Variants in TMEM117 observed in about 807,000 individuals in gnomAD.
The protein encoded by TMEM117 is transmembrane protein 117.
In TMEM117, 27 loss-of-function variants were observed where a neutral mutation model predicts 52.4. The observed-to-expected ratio is 0.51, with a 90% CI of 0.38 to 0.71. The LOEUF is 0.71. Ranked by LOEUF, TMEM117 falls within the 30% of genes least tolerant of loss-of-function variation. TMEM117 has a pLI of 0.00. For synonymous variants in TMEM117, 215 were observed against 206.3 expected (o/e 1.04, Z -0.36); for missense variants, 556 against 630.5 (o/e 0.88, Z 1.26).
rs559410802 is a variant in TMEM117, at chr12:44,045,387, G to T, written c.411-98138G>T. ...ATTGGACCTCTTTCATCATGGAAAG[G>T]TTTGTCCTCGCTAGAATAGACATTT... is the stretch of plus-strand genomic sequence containing the variant. On this transcript the variant is annotated intron_variant, in intron 3 of 7. Coordinates refer to ENST00000266534, the MANE Select transcript of TMEM117 (RefSeq NM_032256.3). Among the ~76,000 whole-genome samples, 459 of 152,246 alleles carry T rather than the reference G, an allele frequency of 3.0e-3. 2 individuals carry two copies. The highest frequency in any genetic ancestry group is 0.011 in the African/African-American group (444 of 41,542).
rs1944471473 is a variant in TMEM117, at chr12:43,910,182, G to C, written c.278-34028G>C. 2.7e-5 allele frequency among the ~76,000 whole-genome samples: 4 copies of C among 149,920 alleles called. No individual in the cohort carries two copies. In the South Asian group the frequency reaches 8.6e-4, roughly 32 times the overall value. Reference sequence around the variant, plus strand: ...GGCTTCATCCCTGGGATGCAAGGCTGGTTCAATATATGCAAATCAATAAAT... The same window carrying C: ...GGCTTCATCCCTGGGATGCAAGGCTCGTTCAATATATGCAAATCAATAAAT... On this transcript the variant is annotated intron_variant, in intron 2 of 7. Transcript: ENST00000266534.
In TMEM117 at chr12:44,388,230, C is replaced by T. The variant is rs780071695; in HGVS notation, c.1103C>T (p.Pro368Leu). 4.3e-6 allele frequency: 7 copies of T among 1,613,482 alleles called. No individual in the cohort carries two copies. The highest frequency in any genetic ancestry group is 5.9e-6 in the Non-Finnish European group (7 of 1,179,640). Residue 368 changes from proline (P) to leucine (L), a missense_variant, in exon 8 of 8, where the codon CCT becomes CTT. Pro to Leu is a moderately conservative substitution (Grantham distance 98). Transcript: ENST00000266534. ...GAATGGAGGTCCAATCACACTAACC[C>T]TCGGACTAATAAAACATATGTTGAG... is the stretch of plus-strand genomic sequence containing the variant. ...SWEWRSNHTN[P>L]RTNKTYVEGD...
intron 3 of TMEM117, among the ~76,000 whole-genome samples, chr12:43,952,212 G>T (rs12301421): frequency 6.6e-6 from 1 of 151,990 alleles, no homozygotes; most frequent in Non-Finnish European, 1.5e-5. Flanking sequence ...TGAAAATCCC[G>T]GAAGCCGGAA....
At position 43,951,847 on chromosome 12, in the gene TMEM117, G is replaced by C. The variant is rs113816684; in HGVS notation, c.410+7505G>C. Reference sequence around the variant, plus strand: ...GACCCCATGCCTCCTATCTGGGTGAGACCTCCAAACAGGAGTCAGCAGACA... The same window carrying C: ...GACCCCATGCCTCCTATCTGGGTGACACCTCCAAACAGGAGTCAGCAGACA... On this transcript the variant is annotated intron_variant, in intron 3 of 7. Transcript: ENST00000266534. Among the ~76,000 whole-genome samples, 296 of 152,284 alleles carry C rather than the reference G, an allele frequency of 1.9e-3. 1 individual carries two copies. The highest frequency in any genetic ancestry group is 6.9e-3 in the African/African-American group (286 of 41,540).
At position 44,145,081 on chromosome 12, in the gene TMEM117, T is replaced by C. The variant is rs985885525; in HGVS notation, c.510+1457T>C. Among the ~76,000 whole-genome samples, 4 of 152,160 alleles carry C rather than the reference T, an allele frequency of 2.6e-5. 1 individual carries two copies. Among genetic ancestry groups the C allele is most frequent in the African/African-American group, 9.6e-5 (4 of 41,502 alleles). On this transcript the variant is annotated intron_variant, in intron 4 of 7. Transcript: ENST00000266534. Reference sequence around the variant, plus strand: ...CTGAGGCAGGAGAATGGCGTGAACCTGGGAGGCGGAGCTTGCAGTGAGCCG... The same window carrying C: ...CTGAGGCAGGAGAATGGCGTGAACCCGGGAGGCGGAGCTTGCAGTGAGCCG...
chr12:44,260,921 A>T (rs1481854011), intron 5 of TMEM117, among the ~76,000 whole-genome samples: 1 of 152,222 alleles, frequency 6.6e-6, no homozygotes, highest in Non-Finnish European at 1.5e-5. Context: ...CTTTTAAAAT[A>T]TTCTATTTTG....
At chr12:44,108,205 T>G (rs1947996120) in intron 3 of TMEM117, among the ~76,000 whole-genome samples, 1 of 152,050 alleles carries the variant, frequency 6.6e-6, no homozygotes, top group African/African-American at 2.4e-5. Flanking sequence ...ATTTATTTAT[T>G]TATTTATTTT....
intron 4 of TMEM117, among the ~76,000 whole-genome samples, chr12:44,157,087 G>A (rs946519396): frequency 3.3e-5 from 5 of 152,058 alleles, no homozygotes; most frequent in African/African-American, 9.7e-5. Context: ...CCAGCCCACC[G>A]CTTTCAGTTC....
intron 4 of TMEM117, among the ~76,000 whole-genome samples, chr12:44,167,097 GC>G (rs1365170780): frequency 2.0e-5 from 3 of 152,056 alleles, no homozygotes; most frequent in African/African-American, 7.2e-5. Context: ...CACTAAGGTG[GC>G]CCCTAGAATA....
At chr12:43,856,617 A>G (rs532990471) in intron 2 of TMEM117, among the ~76,000 whole-genome samples, 15 of 152,340 alleles carry the variant, frequency 9.8e-5, no homozygotes, top group Admixed American at 6.5e-4. Flanking sequence ...CATACAGTAT[A>G]TACTCTTTTT....
chr12:44,002,540 T>TAC (rs1946132427), intron 3 of TMEM117, among the ~76,000 whole-genome samples: 1 of 152,164 alleles, frequency 6.6e-6, no homozygotes, highest in Non-Finnish European at 1.5e-5. Flanking sequence ...TCTTCCTCCC[T>TAC]ACTTCATCCC....
At chr12:44,275,420 T>A (rs1017190359) in intron 5 of TMEM117, among the ~76,000 whole-genome samples, 1 of 152,070 alleles carries the variant, frequency 6.6e-6, no homozygotes, top group African/African-American at 2.4e-5. Context: ...AGAGCTACCA[T>A]ATGATCAAGC....
chr12:44,042,929 G>C (rs1946825532), intron 3 of TMEM117, among the ~76,000 whole-genome samples: 1 of 152,052 alleles, frequency 6.6e-6, no homozygotes, highest in Non-Finnish European at 1.5e-5. Context: ...TTCTGGAGTT[G>C]GCTTCTTAAT....
intron 3 of TMEM117, among the ~76,000 whole-genome samples, chr12:43,972,996 C>T (rs1314393934): frequency 6.6e-6 from 1 of 152,140 alleles, no homozygotes; most frequent in Non-Finnish European, 1.5e-5. Context: ...AAGTATATTT[C>T]CTACCTAGTT....
chr12:44,030,370 A>G (rs1053153547), intron 3 of TMEM117, among the ~76,000 whole-genome samples: 4 of 152,214 alleles, frequency 2.6e-5, no homozygotes, highest in Non-Finnish European at 5.9e-5. Context: ...CTGTCTAGCT[A>G]TGCTGGATTC....
intron 3 of TMEM117, among the ~76,000 whole-genome samples, chr12:44,133,438 G>A (rs371181112): frequency 6.6e-6 from 1 of 152,160 alleles, no homozygotes; most frequent in South Asian, 2.1e-4. Flanking sequence ...GGAGGAACTC[G>A]ATGGGTCTGA....
chr12:43,847,874 G>A (rs1943236728), intron 2 of TMEM117, among the ~76,000 whole-genome samples: 1 of 152,100 alleles, frequency 6.6e-6, no homozygotes, highest in Non-Finnish European at 1.5e-5. Flanking sequence ...CATAAGTGTT[G>A]GCCGGCTGAG....
At chr12:44,311,769 GTATATATGTGTATATATGTA>G (rs1950981717) in intron 6 of TMEM117, among the ~76,000 whole-genome samples, 7 of 122,076 alleles carry the variant, frequency 5.7e-5, no homozygotes, top group African/African-American at 2.4e-4. Context: ...ATATATATAT[GTATATATGTGTATATATGTA>G]TATATATGTA....
chr12:44,247,076 T>C lies in TMEM117; in HGVS notation c.608+35689T>C, dbSNP rs17094341. 2.3e-3 allele frequency among the ~76,000 whole-genome samples: 351 copies of C among 152,256 alleles called. 12 individuals are homozygous for C. In the East Asian group the frequency reaches 0.034, roughly 15 times the overall value. ...TTAATAAATTTGGCACTCTTAAGAG[T>C]ATGTCAGGCAATCTTCAGCCCATTT... On this transcript the variant is annotated intron_variant, in intron 5 of 7. Coordinates refer to ENST00000266534, the MANE Select transcript of TMEM117 (RefSeq NM_032256.3).
Sources: gnomAD v4.1 joint callset for allele counts (sites outside exome capture counted in the v4.1 genomes callset) on GRCh38, gnomAD v4.1.1 for gene constraint, MANE v1.5 for transcripts, NCBI Gene and HGNC (gene_info 2026-07-23, HGNC 2026-07-21) for gene names.